The following RLN2 variants were observed in gnomAD, a reference collection of about 807,000 sequenced individuals.
RLN2 encodes the protein relaxin 2, also known as prorelaxin H2.
Under a neutral mutation model 7.3 loss-of-function variants are expected in RLN2, and 10 were observed. The ratio of observed to expected loss-of-function variants is 1.36; its 90% CI spans 0.84 to 2.31. The LOEUF (loss-of-function observed/expected upper bound fraction) is 2.31. Among genes scored for constraint, RLN2 ranks in the 30% most tolerant of loss-of-function variants. RLN2 has a pLI of 0.00. For missense variants in RLN2, 298 were observed against 217.6 expected (o/e 1.37, Z -2.32); for synonymous variants, 103 against 82.3 (o/e 1.25, Z -1.36).
In RLN2 at chr9:5,300,367, C is replaced by T. The variant is rs374511042; in HGVS notation, c.289G>A (p.Glu97Lys). ...MSEFVANLPQ[E>K]LKLTLSEMQP... Reference sequence around the variant, plus strand: ...ATCTCAGACAGGGTTAACTTCAGCTCCTGTGGCAAATTAGCAACAAATTCT... The same window carrying T: ...ATCTCAGACAGGGTTAACTTCAGCTTCTGTGGCAAATTAGCAACAAATTCT... The change falls in exon 2 of 2, where the codon GAG (glutamate) becomes AAG (lysine). Residue 97 changes from glutamate to lysine, a missense_variant. Physicochemically the swap from Glu to Lys is moderately conservative, Grantham distance 56. Coordinates refer to ENST00000381627, the MANE Select transcript of RLN2 (RefSeq NM_134441.3). 3.1e-6 allele frequency: 5 copies of T among 1,613,512 alleles called. No individual in the cohort carries two copies. The highest frequency in any genetic ancestry group is 3.4e-6 in the Non-Finnish European group (4 of 1,179,886).
the RLN2 span, among the ~76,000 whole-genome samples, chr9:5,337,918 T>C: frequency 6.6e-6 from 1 of 152,080 alleles, no homozygotes; most frequent in Non-Finnish European, 1.5e-5. Context: ...TAAGTTTATG[T>C]GGCAGATTTA....
chr9:5,318,751 T>G, the RLN2 span, among the ~76,000 whole-genome samples: 1 of 152,032 alleles, frequency 6.6e-6, no homozygotes, highest in African/African-American at 2.4e-5. Flanking sequence ...ATTCTATTTT[T>G]TTTTAAATAA....
rs370324523 is a variant in RLN2 at position 5,300,448 on chromosome 9, T to A, written c.212-4A>T. 5 of 1,583,182 alleles carry A rather than the reference T, an allele frequency of 3.2e-6. No individual in the cohort carries two copies. Among genetic ancestry groups the A allele is most frequent in the Admixed American group, 3.7e-5 (2 of 54,452 alleles). ...TTGATGAAGGATGGCACAATTTCTG[T>A]TAAATTTAAAAAAAAAGGTGTATGT... On this transcript the variant is annotated splice_polypyrimidine_tract_variant and splice_region_variant and intron_variant, in intron 1 of 1. Transcript: ENST00000381627.
rs1827126588 is a variant in RLN2, at chr9:5,300,158, T to C, written c.498A>G (p.Ala166=). 6.2e-7 allele frequency: 1 copy of C among 1,611,862 alleles called. No homozygotes were observed. Among genetic ancestry groups the C allele is most frequent in the Non-Finnish European group, 8.5e-7 (1 of 1,179,440 alleles). ...HSRKKRQLYS[A]LANKCCHVGC... is the part of the protein sequence containing the mutation. The stretch of plus-strand genomic sequence containing the variant: ...CAACATGGCAACATTTATTAGCCAA[T>C]GCACTGTAGAGTTGTCTCTTTTTTC... The change falls in exon 2 of 2, where the codon GCA becomes GCG. Residue 166 remains alanine, a synonymous_variant. Transcript: ENST00000381627.
At chr9:5,308,918 A>AGCC (rs527647924), upstream of RLN2, among the ~76,000 whole-genome samples, 14 of 152,202 alleles carry the variant, frequency 9.2e-5, no homozygotes, top group East Asian at 2.5e-3. Flanking sequence ...GATACTGCAA[A>AGCC]GCCTGCCTCA....
chr9:5,304,793 T>C, upstream of RLN2: 1 of 586,960 alleles, frequency 1.7e-6, no homozygotes, highest in Non-Finnish European at 3.1e-6. Flanking sequence ...CCACAGAATT[T>C]TCCCCCTCAG....
upstream of RLN2, among the ~76,000 whole-genome samples, chr9:5,309,572 C>G (rs1200641196): frequency 2.0e-5 from 3 of 152,020 alleles, no homozygotes; most frequent in Non-Finnish European, 4.4e-5. Context: ...CTCCGCCTCT[C>G]TTTCTTTGCT....
At chr9:5,316,926 T>C in the RLN2 span, among the ~76,000 whole-genome samples, 2 of 152,002 alleles carry the variant, frequency 1.3e-5, no homozygotes, top group African/African-American at 2.4e-5. Context: ...AATATGTAAA[T>C]TGTGAAATCA....
chr9:5,318,007 C>CGTGCGTGTGTGTGT, the RLN2 span, among the ~76,000 whole-genome samples: 3 of 148,064 alleles, frequency 2.0e-5, no homozygotes, highest in East Asian at 2.0e-4. Context: ...TGTGTGTGTG[C>CGTGCGTGTGTGTGT]GTGTGTGTGT....
chr9:5,315,513 T>A, the RLN2 span, among the ~76,000 whole-genome samples: 1 of 151,584 alleles, frequency 6.6e-6, no homozygotes, highest in South Asian at 2.1e-4. Flanking sequence ...AAGAGACAAA[T>A]GTGCAGAAAG....
the RLN2 span, among the ~76,000 whole-genome samples, chr9:5,313,701 G>C: frequency 1.1e-5 from 1 of 94,566 alleles, no homozygotes; most frequent in African/African-American, 7.7e-5. Context: ...GAGAGCATTT[G>C]AAATCCACTT....
the RLN2 span, among the ~76,000 whole-genome samples, chr9:5,322,335 G>A: frequency 3.9e-5 from 6 of 151,936 alleles, no homozygotes; most frequent in East Asian, 1.9e-4. Context: ...CCAGTCATAG[G>A]ACTGCAGCAT....
At chr9:5,329,131 G>A in the RLN2 span, among the ~76,000 whole-genome samples, 17 of 150,816 alleles carry the variant, frequency 1.1e-4, no homozygotes, top group Admixed American at 4.6e-4. Context: ...GTGAAACCCC[G>A]TCTCTACTAA....
At chr9:5,310,763 C>T in the RLN2 span, among the ~76,000 whole-genome samples, 2 of 152,006 alleles carry the variant, frequency 1.3e-5, no homozygotes, top group African/African-American at 4.8e-5. Flanking sequence ...ATTCTAATTC[C>T]TCCCTTCCAT....
the RLN2 span, among the ~76,000 whole-genome samples, chr9:5,318,982 T>C: frequency 6.6e-6 from 1 of 151,988 alleles, no homozygotes; most frequent in African/African-American, 2.4e-5. Context: ...TACCCAGATG[T>C]TTGATGATCT....
At chr9:5,329,323 A>AG in the RLN2 span, among the ~76,000 whole-genome samples, 1 of 150,430 alleles carries the variant, frequency 6.6e-6, no homozygotes, top group East Asian at 1.9e-4. Context: ...AAAAAAAAAA[A>AG]AAAAAAGAAA....
At chr9:5,321,630 G>C in the RLN2 span, among the ~76,000 whole-genome samples, 1 of 151,842 alleles carries the variant, frequency 6.6e-6, no homozygotes, top group African/African-American at 2.4e-5. Context: ...ATGCAGGGTG[G>C]GGGGAAGCAA....
At chr9:5,324,374 G>A in the RLN2 span, among the ~76,000 whole-genome samples, 3 of 152,104 alleles carry the variant, frequency 2.0e-5, no homozygotes, top group East Asian at 1.9e-4. Context: ...ATTGTGGGGT[G>A]CATAACTGAA....
Position 5,299,900 on chromosome 9 carries a change from G to T in RLN2, c.*198C>A, listed in dbSNP as rs192058700. The T allele has an allele frequency of 9.5e-5, 40 of 422,140 alleles. No homozygotes were observed. The East Asian group carries it at 1.3e-3, about 14-fold the overall frequency. 26.1% of individuals were successfully genotyped at this position (422,140 alleles called of 1,614,324 possible). On this transcript the variant is annotated 3_prime_UTR_variant, in exon 2 of 2. Transcript: ENST00000381627. ...AAAATGTGTCATTTAATCACACAAAGAACATTTTCTTACACATCAAATAAA... is the reference window on the plus strand; with the variant it reads ...AAAATGTGTCATTTAATCACACAAATAACATTTTCTTACACATCAAATAAA...
Sources: allele counts gnomAD v4.1 joint callset (sites outside exome capture counted in the v4.1 genomes callset), GRCh38; gene constraint gnomAD v4.1.1; transcripts MANE v1.5; gene names NCBI Gene and HGNC (gene_info 2026-07-23, HGNC 2026-07-21).